TENM2: variants seen among roughly 807,000 people sequenced by gnomAD.
The protein encoded by TENM2 is teneurin transmembrane protein 2, also known as teneurin-2.
TENM2 carries 52 observed loss-of-function variants against 245.2 expected under a neutral mutation model. The observed-to-expected ratio is 0.21, with a 90% confidence interval of 0.17 to 0.27. TENM2 has a LOEUF of 0.27. Among genes scored for constraint, TENM2 ranks in the 10% least tolerant of loss-of-function variants. The pLI is 1.00. For synonymous variants in TENM2, 1,363 were observed against 1,438.9 expected, an observed-to-expected ratio of 0.95 and a Z score of 1.19; for missense variants, 3,046 against 3,666.8, an observed-to-expected ratio of 0.83 and a Z score of 4.37.
intron 2 of TENM2, among the ~76,000 whole-genome samples, chr5:167,643,632 C>G (rs768186699): frequency 3.4e-4 from 52 of 152,200 alleles, no homozygotes; most frequent in Non-Finnish European, 6.9e-4. Context: ...CACAGGAACA[C>G]TTGCCTGATT....
At chr5:167,531,833 T>C (rs1771527378) in intron 2 of TENM2, among the ~76,000 whole-genome samples, 1 of 152,230 alleles carries the variant, frequency 6.6e-6, no homozygotes, top group African/African-American at 2.4e-5. Flanking sequence ...TTAGTTATCC[T>C]GCAATGGGCG....
chr5:168,138,156 T>C (rs145559920), intron 12 of TENM2, among the ~76,000 whole-genome samples: 40 of 152,330 alleles, frequency 2.6e-4, no homozygotes, highest in African/African-American at 8.7e-4. Context: ...AAGAATTAAA[T>C]GCCTGAGATT....
intron 2 of TENM2, among the ~76,000 whole-genome samples, chr5:167,501,516 CA>C (rs1419411338): frequency 3.3e-5 from 5 of 152,164 alleles, no homozygotes; most frequent in Non-Finnish European, 7.3e-5. Context: ...AATGTTGCCT[CA>C]ATCTACATCT....
intron 2 of TENM2, among the ~76,000 whole-genome samples, chr5:167,812,347 T>G (rs1345042884): frequency 6.6e-6 from 1 of 152,110 alleles, no homozygotes; most frequent in African/African-American, 2.4e-5. Flanking sequence ...CCTGCTGAAG[T>G]GATAATTGTG....
the TENM2 span, among the ~76,000 whole-genome samples, chr5:167,245,637 G>C: frequency 6.6e-6 from 1 of 151,930 alleles, no homozygotes; most frequent in Admixed American, 6.6e-5. Context: ...TAGGACAATG[G>C]TTCAATAAGT....
chr5:167,011,081 A>T, the TENM2 span, among the ~76,000 whole-genome samples: 1 of 152,198 alleles, frequency 6.6e-6, no homozygotes, highest in Non-Finnish European at 1.5e-5. Context: ...CTTTATCTGG[A>T]GTTTAGGACA....
intron 2 of TENM2, among the ~76,000 whole-genome samples, chr5:167,468,044 C>A (rs1766782761): frequency 6.6e-6 from 1 of 152,158 alleles, no homozygotes; most frequent in African/African-American, 2.4e-5. Flanking sequence ...TCAAGCGATT[C>A]TCCTGCTTCA....
the TENM2 span, among the ~76,000 whole-genome samples, chr5:167,255,264 A>C: frequency 1.4e-4 from 22 of 152,158 alleles, no homozygotes; most frequent in African/African-American, 5.1e-4. Flanking sequence ...TGGCAACTTT[A>C]TTTCTTTGTT....
chr5:167,340,987 G>A (rs766393404), intron 1 of TENM2, among the ~76,000 whole-genome samples: 4 of 152,082 alleles, frequency 2.6e-5, no homozygotes, highest in African/African-American at 4.8e-5. Context: ...CTCTCCTCCC[G>A]TCCCTCTTGG....
chr5:167,402,349 C>T (rs1211623089), intron 2 of TENM2, among the ~76,000 whole-genome samples: 1 of 152,116 alleles, frequency 6.6e-6, no homozygotes, highest in Non-Finnish European at 1.5e-5. Flanking sequence ...TTACCCCTGA[C>T]AAATCCCTTA....
chr5:167,286,460 T>C (rs1256591442), intron 1 of TENM2, among the ~76,000 whole-genome samples: 1 of 152,090 alleles, frequency 6.6e-6, no homozygotes, highest in African/African-American at 2.4e-5. Context: ...GTAGTGGCAA[T>C]TGGAAAAAAA....
At chr5:167,946,009 G>C (rs1343286265) in intron 3 of TENM2, among the ~76,000 whole-genome samples, 1 of 152,166 alleles carries the variant, frequency 6.6e-6, no homozygotes, top group Non-Finnish European at 1.5e-5. Context: ...CCAGATCCAA[G>C]AAAGACTGCA....
At chr5:168,203,791 G>A in exon 18 of TENM2, 1 of 1,613,330 alleles carries the variant, frequency 6.2e-7, no homozygotes, top group Non-Finnish European at 8.5e-7. Flanking sequence ...AACCTCGGTG[G>A]CTGGTCCCTA....
intron 2 of TENM2, among the ~76,000 whole-genome samples, chr5:167,718,077 G>A (rs1381820752): frequency 6.6e-6 from 1 of 152,166 alleles, no homozygotes; most frequent in African/African-American, 2.4e-5. Context: ...GATTTTAGCT[G>A]TACTGTCATT....
the TENM2 span, among the ~76,000 whole-genome samples, chr5:167,184,007 C>A: frequency 6.6e-6 from 1 of 151,996 alleles, no homozygotes; most frequent in Non-Finnish European, 1.5e-5. Flanking sequence ...ACCTTTGAAA[C>A]CTCTATATTC....
intron 3 of TENM2, among the ~76,000 whole-genome samples, chr5:167,909,025 G>A (rs1383902656): frequency 1.3e-5 from 2 of 149,330 alleles, no homozygotes; most frequent in Non-Finnish European, 3.0e-5. Context: ...TCCTCAGTGT[G>A]ACATTTCTGC....
intron 2 of TENM2, among the ~76,000 whole-genome samples, chr5:167,549,439 G>T (rs1317720000): frequency 6.6e-6 from 1 of 152,162 alleles, no homozygotes; most frequent in Non-Finnish European, 1.5e-5. Context: ...ATATCAGCTA[G>T]TCAACTGCTA....
the TENM2 span, among the ~76,000 whole-genome samples, chr5:167,054,612 C>T: frequency 6.6e-6 from 1 of 152,118 alleles, no homozygotes; most frequent in East Asian, 1.9e-4. Context: ...TGTAAACTGT[C>T]TTCCAAAGTG....
At chr5:168,102,204 G>C (rs1793876859) in intron 9 of TENM2, among the ~76,000 whole-genome samples, 1 of 152,106 alleles carries the variant, frequency 6.6e-6, no homozygotes, top group Non-Finnish European at 1.5e-5. Flanking sequence ...CTCCTGAGTA[G>C]CTGGGATTAC....
Sources: gnomAD v4.1 joint callset for allele counts (sites outside exome capture counted in the v4.1 genomes callset) on GRCh38, gnomAD v4.1.1 for gene constraint, MANE v1.5 for transcripts, NCBI Gene and HGNC (gene_info 2026-07-23, HGNC 2026-07-21) for gene names.